Variants in SGCZ observed in about 807,000 individuals in gnomAD.
SGCZ encodes the protein zeta-sarcoglycan.
Under a neutral mutation model 41.3 loss-of-function variants are expected in SGCZ, and 40 were observed. The ratio of observed to expected loss-of-function variants is 0.97; its 90% CI spans 0.75 to 1.26. The LOEUF (loss-of-function observed/expected upper bound fraction) is 1.26. SGCZ is among the 50% of genes most tolerant of loss of function. The pLI is 0.00. For missense variants in SGCZ, 552 were observed against 369.8 expected (o/e 1.49, Z -4.04); for synonymous variants, 206 against 137.5 (o/e 1.50, Z -3.49).
At chr8:14,176,910 G>A (rs763482334) in intron 4 of SGCZ, among the ~76,000 whole-genome samples, 1 of 152,212 alleles carries the variant, frequency 6.6e-6, no homozygotes, top group Non-Finnish European at 1.5e-5. Context: ...GGAGTGCCTT[G>A]TATGTAAGTC....
At chr8:14,830,505 A>G (rs1229210468) in intron 1 of SGCZ, among the ~76,000 whole-genome samples, 2 of 152,098 alleles carry the variant, frequency 1.3e-5, no homozygotes, top group African/African-American at 4.8e-5. Flanking sequence ...TATTAGAATA[A>G]TGCTATTAAT....
At chr8:14,767,888 T>C (rs1379483200) in intron 1 of SGCZ, among the ~76,000 whole-genome samples, 1 of 152,208 alleles carries the variant, frequency 6.6e-6, no homozygotes, top group East Asian at 1.9e-4. Flanking sequence ...ATGTATTACA[T>C]AGACCCTTGG....
At chr8:14,551,516 T>TTATATATAATATATAA (rs1803834446) in intron 2 of SGCZ, among the ~76,000 whole-genome samples, 1 of 10,190 alleles carries the variant, frequency 9.8e-5, no homozygotes, top group Non-Finnish European at 1.6e-4. Context: ...ATTATATATA[T>TTATATATAATATATAA]TATATATAAT....
intron 1 of SGCZ, among the ~76,000 whole-genome samples, chr8:14,858,426 A>C (rs2130672205): frequency 6.6e-6 from 1 of 152,236 alleles, no homozygotes; most frequent in South Asian, 2.1e-4. Flanking sequence ...TGTGACAATT[A>C]TTTCTGATTT....
intron 1 of SGCZ, among the ~76,000 whole-genome samples, chr8:14,717,192 A>C (rs1203484044): frequency 1.3e-5 from 2 of 152,094 alleles, no homozygotes; most frequent in Non-Finnish European, 2.9e-5. Context: ...TAAATAACAA[A>C]GCTTAGTATG....
At chr8:14,764,158 A>C (rs559074690) in intron 1 of SGCZ, among the ~76,000 whole-genome samples, 1 of 152,374 alleles carries the variant, frequency 6.6e-6, no homozygotes, top group Admixed American at 6.5e-5. Flanking sequence ...AGTTTGTCCT[A>C]GACAAAGAGA....
At chr8:14,463,914 G>GTGTC (rs1370732414) in intron 2 of SGCZ, among the ~76,000 whole-genome samples, 1 of 151,508 alleles carries the variant, frequency 6.6e-6, no homozygotes, top group Non-Finnish European at 1.5e-5. Flanking sequence ...TTTAGGTGGT[G>GTGTC]TGTTACCTTG....
At chr8:14,533,772 C>T (rs1053852433) in intron 2 of SGCZ, among the ~76,000 whole-genome samples, 9 of 151,858 alleles carry the variant, frequency 5.9e-5, no homozygotes, top group Non-Finnish European at 1.5e-5. Flanking sequence ...TATCTTTCCT[C>T]CAAACAAGAA....
intron 3 of SGCZ, among the ~76,000 whole-genome samples, chr8:14,261,656 A>C (rs1379726001): frequency 6.6e-6 from 1 of 152,180 alleles, no homozygotes; most frequent in Non-Finnish European, 1.5e-5. Flanking sequence ...ATTTGACCAA[A>C]GAGTAACGTT....
intron 1 of SGCZ, among the ~76,000 whole-genome samples, chr8:14,833,913 G>T (rs921755942): frequency 2.2e-4 from 34 of 152,254 alleles, no homozygotes; most frequent in African/African-American, 8.2e-4. Context: ...ACAGTTTGGA[G>T]GGGAGAAGGT....
At chr8:14,109,095 T>C (rs1585142019) in intron 5 of SGCZ, among the ~76,000 whole-genome samples, 1 of 152,214 alleles carries the variant, frequency 6.6e-6, no homozygotes, top group East Asian at 1.9e-4. Context: ...CACGAAAAGC[T>C]AGAGAACATG....
intron 1 of SGCZ, among the ~76,000 whole-genome samples, chr8:14,803,160 G>T (rs763564753): frequency 6.6e-6 from 1 of 152,124 alleles, no homozygotes; most frequent in African/African-American, 2.4e-5. Context: ...TATTGCATAT[G>T]AATCATTTAT....
chr8:14,237,549 A>T lies in SGCZ; in HGVS notation c.424+43T>A. The T allele has an allele frequency of 3.2e-6, 5 of 1,554,802 alleles. No individual in the cohort carries two copies. The South Asian group carries it at 3.5e-5, about 11-fold the overall frequency. ...CAAAAACCAAAAACAACAACAAAAA[A>T]AACCAAGCACAGTAGGAGCAATCTT... is the stretch of plus-strand genomic sequence containing the variant. On this transcript the variant is annotated intron_variant, in intron 4 of 7. Coordinates refer to ENST00000382080, the MANE Select transcript of SGCZ (RefSeq NM_139167.4).
chr8:14,919,088 A>C (rs1799517800), intron 1 of SGCZ, among the ~76,000 whole-genome samples: 1 of 152,188 alleles, frequency 6.6e-6, no homozygotes, highest in Non-Finnish European at 1.5e-5. Flanking sequence ...CAATTAGTTA[A>C]TAAAATTATT....
intron 1 of SGCZ, among the ~76,000 whole-genome samples, chr8:15,137,055 G>T (rs1366277419): frequency 1.3e-5 from 2 of 152,186 alleles, no homozygotes; most frequent in African/African-American, 4.8e-5. Flanking sequence ...GAGATTTGTT[G>T]AATGGCTTTG....
Position 14,821,899 on chromosome 8 carries a change from G to A in SGCZ, c.40-266973C>T, listed in dbSNP as rs1240289905. On this transcript the variant is annotated intron_variant, in intron 1 of 7. Transcript: ENST00000382080. ...TCTACAGTTTTCACTCTAAAATTAGGAACTAGACAAGGTTGCTAACTTTTC... is the reference window on the plus strand; with the variant it reads ...TCTACAGTTTTCACTCTAAAATTAGAAACTAGACAAGGTTGCTAACTTTTC... 2.0e-5 allele frequency among the ~76,000 whole-genome samples: 3 copies of A among 152,014 alleles called. No individual in the cohort carries two copies. In the East Asian group the frequency reaches 5.8e-4, roughly 29 times the overall value.
In SGCZ at chr8:14,258,809, A is replaced by C. The variant is rs1463890381; in HGVS notation, c.337-21130T>G. On this transcript the variant is annotated intron_variant, in intron 3 of 7. Transcript: ENST00000382080. ...CAAGTGTGAGGATTACACGCAGCAC[A>C]ATAGAAATAAATGAGAAATAGGTCA... 2.6e-5 allele frequency among the ~76,000 whole-genome samples: 4 copies of C among 152,336 alleles called. No individual in the cohort carries two copies. In the South Asian group the frequency reaches 8.3e-4, roughly 32 times the overall value.
intron 1 of SGCZ, among the ~76,000 whole-genome samples, chr8:14,648,642 T>C (rs183032986): frequency 2.8e-4 from 43 of 152,214 alleles, no homozygotes; most frequent in Admixed American, 9.8e-4. Flanking sequence ...TCTTTAAATT[T>C]CTCTGATAAT....
At chr8:14,756,833 T>C (rs888884378) in intron 1 of SGCZ, among the ~76,000 whole-genome samples, 17 of 152,166 alleles carry the variant, frequency 1.1e-4, no homozygotes, top group African/African-American at 4.1e-4. Context: ...TGTTATTTAA[T>C]GAAATCTCAC....
Sources: gnomAD v4.1 joint callset for allele counts (sites outside exome capture counted in the v4.1 genomes callset) on GRCh38, gnomAD v4.1.1 for gene constraint, MANE v1.5 for transcripts, NCBI Gene and HGNC (gene_info 2026-07-23, HGNC 2026-07-21) for gene names.